Variants in RBBP8 observed in about 807,000 individuals in gnomAD.
RBBP8 encodes DNA endonuclease RBBP8.
In RBBP8, 88 loss-of-function variants were observed where a neutral mutation model predicts 108.3. The ratio of observed to expected loss-of-function variants is 0.81; its 90% CI spans 0.68 to 0.97. The LOEUF is 0.97. Ranked by LOEUF, RBBP8 falls within the 50% of genes least tolerant of loss-of-function variation. RBBP8 has a pLI of 0.00. For synonymous variants in RBBP8, 332 were observed against 348.2 expected (o/e 0.95, Z 0.52); for missense variants, 1,023 against 1,049.0 (o/e 0.98, Z 0.34).
chr18:22,982,155 C>T, intron 6 of RBBP8, 63 bp from the exon 7 acceptor site: 1 of 1,495,580 alleles, frequency 6.7e-7, no homozygotes, highest in Non-Finnish European at 9.2e-7. Context: ...TAACTCCATG[C>T]CATGTAGTAA....
intron 5 of RBBP8, among the ~76,000 whole-genome samples, chr18:22,973,302 G>A (rs772549778): frequency 3.2e-4 from 48 of 152,064 alleles, no homozygotes; most frequent in Non-Finnish European, 6.6e-4. Flanking sequence ...TGATCTGTTA[G>A]TGACACCCTT....
At chr18:23,021,726 C>A (rs2046348552) in intron 17 of RBBP8, among the ~76,000 whole-genome samples, 1 of 151,710 alleles carries the variant, frequency 6.6e-6, no homozygotes, top group Admixed American at 6.6e-5. Context: ...ACATGTAGAC[C>A]TCTGAATTTT....
chr18:23,010,112 G>A (rs181387539), intron 16 of RBBP8, among the ~76,000 whole-genome samples: 5 of 152,216 alleles, frequency 3.3e-5, no homozygotes, highest in African/African-American at 7.2e-5. Context: ...TGTATATAGC[G>A]ATATTCCTCA....
At chr18:23,014,748 T>C (rs2046228492) in intron 16 of RBBP8, among the ~76,000 whole-genome samples, 1 of 152,200 alleles carries the variant, frequency 6.6e-6, no homozygotes, top group African/African-American at 2.4e-5. Flanking sequence ...TTGACCCTCC[T>C]AGGTTTCCGT....
At chr18:22,959,021 C>T (rs1300768403) in intron 4 of RBBP8, among the ~76,000 whole-genome samples, 1 of 152,088 alleles carries the variant, frequency 6.6e-6, no homozygotes, top group African/African-American at 2.4e-5. Flanking sequence ...CTTAATGAAC[C>T]ACCTGTTTTG....
chr18:23,026,316 C>T lies in RBBP8; in HGVS notation c.*76C>T. On this transcript the variant is annotated 3_prime_UTR_variant, in exon 19 of 19. Coordinates refer to ENST00000327155, the MANE Select transcript of RBBP8 (RefSeq NM_002894.3). ...ATTTATAGTTAAAGTTGGTACTAAA[C>T]ATTGATTTTTTTGATCTTCTGTAAA... 8.2e-7 allele frequency: 1 copy of T among 1,216,102 alleles called. No individual in the cohort carries two copies. The highest frequency in any genetic ancestry group is 2.4e-5 in the East Asian group (1 of 41,692). 75.3% of individuals were successfully genotyped at this position (1,216,102 alleles called of 1,614,324 possible). A position where few individuals can be genotyped will look rare whatever the true frequency, so the allele number is the denominator to read the frequency against.
At chr18:22,915,973 C>T (rs989086032) in intron 2 of RBBP8, among the ~76,000 whole-genome samples, 2 of 151,750 alleles carry the variant, frequency 1.3e-5, no homozygotes, top group Non-Finnish European at 2.9e-5. Context: ...TATGTAAGTC[C>T]TATTAGATAT....
At chr18:22,969,954 T>C (rs1567968132) in intron 5 of RBBP8, among the ~76,000 whole-genome samples, 1 of 152,218 alleles carries the variant, frequency 6.6e-6, no homozygotes, top group Non-Finnish European at 1.5e-5. Flanking sequence ...AAATATGTAG[T>C]TGTTCCTTGT....
At chr18:22,960,318 A>G (rs558913472) in intron 4 of RBBP8, among the ~76,000 whole-genome samples, 1 of 152,342 alleles carries the variant, frequency 6.6e-6, no homozygotes, top group South Asian at 2.1e-4. Context: ...ATGGGAGGCC[A>G]AGTAGGCAGA....
At position 22,993,267 on chromosome 18, in the gene RBBP8, C is replaced by CA; in HGVS notation, c.1441dup (p.Met481AsnfsTer9). Reference sequence around the variant, plus strand: ...CTTTTCCAATGGATAATCAGTTTTCCATGAATGGAGACTGTGTGATGGATA... The same window carrying CA: ...CTTTTCCAATGGATAATCAGTTTTCCAATGAATGGAGACTGTGTGATGGATA... On this transcript the variant is annotated frameshift_variant, in exon 11 of 19. Transcript: ENST00000327155. LOFTEE classifies it high-confidence loss of function. 1 of 1,614,170 alleles carries CA rather than the reference C, an allele frequency of 6.2e-7. No individual in the cohort carries two copies. The highest frequency in any genetic ancestry group is 8.5e-7 in the Non-Finnish European group (1 of 1,180,022).
intron 8 of RBBP8, among the ~76,000 whole-genome samples, chr18:22,988,691 C>T (rs1054734486): frequency 6.6e-6 from 1 of 152,130 alleles, no homozygotes; most frequent in Non-Finnish European, 1.5e-5. Flanking sequence ...AGAACTTTTT[C>T]TTTTCATCTA....
rs73966408 is a variant in RBBP8 at position 22,970,697 on chromosome 18, T to C, written c.361+1779T>C. 1.5e-3 allele frequency among the ~76,000 whole-genome samples: 235 copies of C among 152,334 alleles called. 1 individual carries two copies. Among genetic ancestry groups the C allele is most frequent in the African/African-American group, 5.4e-3 (224 of 41,582 alleles). ...TTGGGTGAATGGCTTATTTATTCTTTGCCCAGTCTTAAATTGCCCTATTTG... is the reference window on the plus strand; with the variant it reads ...TTGGGTGAATGGCTTATTTATTCTTCGCCCAGTCTTAAATTGCCCTATTTG... On this transcript the variant is annotated intron_variant, in intron 5 of 18. Transcript: ENST00000327155.
At chr18:22,972,482 C>T (rs1444891766) in intron 5 of RBBP8, among the ~76,000 whole-genome samples, 15 of 145,620 alleles carry the variant, frequency 1.0e-4, no homozygotes, top group Non-Finnish European at 2.1e-4. Context: ...GATGCTATCT[C>T]GGCTCACTGC....
chr18:22,952,154 A>G (rs1025401524), intron 4 of RBBP8, among the ~76,000 whole-genome samples: 1 of 152,230 alleles, frequency 6.6e-6, no homozygotes, highest in African/African-American at 2.4e-5. Context: ...TCGTAGGGAC[A>G]TAGGCAAAAA....
At chr18:22,994,352 A>G (rs2045813577) in intron 12 of RBBP8, among the ~76,000 whole-genome samples, 1 of 148,550 alleles carries the variant, frequency 6.7e-6, no homozygotes, top group Non-Finnish European at 1.5e-5. Flanking sequence ...CTCCTTTAAA[A>G]ACATTGTTGG....
chr18:22,940,104 A>G (rs970845740), intron 2 of RBBP8, among the ~76,000 whole-genome samples: 1 of 152,000 alleles, frequency 6.6e-6, no homozygotes, highest in Non-Finnish European at 1.5e-5. Context: ...CAAATTATGT[A>G]AAATGGTATG....
chr18:22,943,947 G>A (rs1394831236), intron 2 of RBBP8, among the ~76,000 whole-genome samples: 7 of 152,106 alleles, frequency 4.6e-5, no homozygotes, highest in Admixed American at 2.6e-4. Context: ...ATGAGTGTGT[G>A]TAAGGTTAAT....
chr18:22,965,176 CTTA>C (rs1913471273), intron 4 of RBBP8, among the ~76,000 whole-genome samples: 1 of 151,804 alleles, frequency 6.6e-6, no homozygotes, highest in Non-Finnish European at 1.5e-5. Flanking sequence ...TTCTGTATAG[CTTA>C]TTATTTCTTC....
chr18:22,919,161 A>G (rs1405031003), intron 3 of RBBP8, among the ~76,000 whole-genome samples: 1 of 152,252 alleles, frequency 6.6e-6, no homozygotes, highest in East Asian at 1.9e-4. Flanking sequence ...ATGAGCAAAG[A>G]TCACAAAGGA....
Sources: gnomAD v4.1 joint callset for allele counts (sites outside exome capture counted in the v4.1 genomes callset) on GRCh38, gnomAD v4.1.1 for gene constraint, MANE v1.5 for transcripts, NCBI Gene and HGNC (gene_info 2026-07-23, HGNC 2026-07-21) for gene names.